The following EPB41L3 variants were observed in gnomAD, a reference collection of about 807,000 sequenced individuals.
EPB41L3 encodes erythrocyte membrane protein band 4.1 like 3.
EPB41L3 carries 57 observed loss-of-function variants against 127.1 expected under a neutral mutation model. The observed-to-expected ratio is 0.45, with a 90% CI of 0.36 to 0.56. EPB41L3 has a LOEUF of 0.56. Among genes scored for constraint, EPB41L3 ranks in the 20% least tolerant of loss-of-function variants. The pLI is 0.00. For synonymous variants in EPB41L3, 572 were observed against 549.5 expected (o/e 1.04, Z -0.57); for missense variants, 1,273 against 1,372.2 (o/e 0.93, Z 1.14).
intron 3 of EPB41L3, among the ~76,000 whole-genome samples, chr18:5,446,854 G>A (rs193148826): frequency 4.6e-5 from 7 of 152,212 alleles, no homozygotes; most frequent in Admixed American, 2.0e-4. Flanking sequence ...TAAATATTTC[G>A]ACAATGAAGC....
chr18:5,596,105 C>T (rs1300387329), intron 3 of EPB41L3, among the ~76,000 whole-genome samples: 1 of 152,218 alleles, frequency 6.6e-6, no homozygotes, highest in Non-Finnish European at 1.5e-5. Flanking sequence ...TGTCCATCCT[C>T]TGAATATTTC....
chr18:5,586,133 T>G (rs1444187087), intron 3 of EPB41L3, among the ~76,000 whole-genome samples: 1 of 152,230 alleles, frequency 6.6e-6, no homozygotes, highest in East Asian at 1.9e-4. Flanking sequence ...AATGTGCCTC[T>G]GCTTCCTATG....
chr18:5,478,348 A>C lies in EPB41L3; in HGVS notation c.274T>G (p.Ser92Ala). Residue 92 changes from serine to alanine, a missense_variant, in exon 3 of 23, where the codon TCT becomes GCT. Physicochemically the swap from Ser to Ala is moderately conservative, Grantham distance 99. This residue lies in a region of EPB41L3 where 182 missense variants were observed against 149.2 expected (regional missense o/e 1.22). Coordinates refer to ENST00000341928, the MANE Select transcript of EPB41L3 (RefSeq NM_012307.5). ...GGAGACCGAGAGAGTTTACTGCTAG[A>C]TGATTTCTGAGAAAGTTTATCGTCT... ...LEDDKLSQKS[S>A]SSKLSRSPLK... 1 of 1,614,164 alleles carries C rather than the reference A, an allele frequency of 6.2e-7. No homozygotes were observed. The highest frequency in any genetic ancestry group is 8.5e-7 in the Non-Finnish European group (1 of 1,180,016).
chr18:5,529,600 T>C (rs1013314920), intron 1 of EPB41L3, among the ~76,000 whole-genome samples: 2 of 152,190 alleles, frequency 1.3e-5, no homozygotes, highest in Admixed American at 6.5e-5. Context: ...AAAGGGAGCA[T>C]TGCAGCTCTC....
intron 3 of EPB41L3, chr18:5,463,850 C>T (rs2084463041): frequency 6.6e-6 from 1 of 152,424 alleles, no homozygotes; most frequent in East Asian, 1.9e-4. Flanking sequence ...ATGATAAACA[C>T]ATGCGGTTGT....
At chr18:5,418,551 C>G (rs1266039071) in intron 12 of EPB41L3, among the ~76,000 whole-genome samples, 1 of 152,120 alleles carries the variant, frequency 6.6e-6, no homozygotes, top group African/African-American at 2.4e-5. Context: ...CTTGACTGAA[C>G]AGACAGGAAG....
intron 3 of EPB41L3, among the ~76,000 whole-genome samples, chr18:5,453,668 AC>A (rs2082602708): frequency 6.6e-6 from 1 of 152,016 alleles, no homozygotes; most frequent in South Asian, 2.1e-4. Flanking sequence ...CCTCAAATAG[AC>A]CCCTGATTTT....
intron 10 of EPB41L3, 111 bp from the exon 11 acceptor site, chr18:5,423,664 G>A (rs73379522): frequency 0.014 from 13,152 of 917,260 alleles, 608 homozygotes; most frequent in African/African-American, 0.13. Context: ...AACATTTAAC[G>A]CACAACTTGC....
intron 20 of EPB41L3, among the ~76,000 whole-genome samples, chr18:5,395,369 G>C (rs1451846273): frequency 6.6e-6 from 1 of 152,220 alleles, no homozygotes; most frequent in East Asian, 1.9e-4. Flanking sequence ...CACATGCCAA[G>C]CACTGGAGTA....
intron 3 of EPB41L3, among the ~76,000 whole-genome samples, chr18:5,446,774 C>T (rs1024237062): frequency 5.9e-5 from 9 of 152,114 alleles, no homozygotes; most frequent in African/African-American, 2.2e-4. Flanking sequence ...AAAAACAGTT[C>T]CATAAAGTAT....
At position 5,489,744 on chromosome 18, in the gene EPB41L3, C is replaced by G. The variant is rs533811292; in HGVS notation, c.-11-550G>C. The stretch of plus-strand genomic sequence containing the variant: ...CTTTGAGTTAGCAACTGAGCTACAA[C>G]AGCAGCTTCTTCAGGGACTCGGGAT... On this transcript the variant is annotated intron_variant, in intron 1 of 22. Coordinates refer to ENST00000341928, the MANE Select transcript of EPB41L3 (RefSeq NM_012307.5). Among the ~76,000 whole-genome samples, 3 of 152,324 alleles carry G rather than the reference C, an allele frequency of 2.0e-5. No homozygotes were observed. The East Asian group carries it at 5.8e-4, about 29-fold the overall frequency.
chr18:5,629,905 C>A (rs758102536), upstream of EPB41L3, among the ~76,000 whole-genome samples: 1 of 152,128 alleles, frequency 6.6e-6, no homozygotes, highest in Non-Finnish European at 1.5e-5. Context: ...ATAGGCTAAA[C>A]GGCCGGCGCG....
intron 1 of EPB41L3, among the ~76,000 whole-genome samples, chr18:5,529,990 C>A (rs562594808): frequency 1.3e-5 from 2 of 151,084 alleles, no homozygotes; most frequent in African/African-American, 4.9e-5. Context: ...TGGGGCCATT[C>A]CCCTCTCCCT....
In EPB41L3 at chr18:5,416,296, C is replaced by T. The variant is rs764431403; in HGVS notation, c.1589G>A (p.Arg530Lys). The T allele has an allele frequency of 8.1e-6, 13 of 1,613,972 alleles. No homozygotes were observed. In the Admixed American group the frequency reaches 2.0e-4, roughly 25 times the overall value. The change falls in exon 13 of 23, where the codon AGG becomes AAG. Residue 530 changes from arginine to lysine, a missense_variant. This residue lies in a region of EPB41L3 where 765 missense variants were observed against 782.9 expected (regional missense o/e 0.98). Transcript: ENST00000341928. ...CAPTSPTELR[R>K]RCKENDCKLP... is the part of the protein sequence containing the mutation. ...TTTGCAGTCATTCTCCTTACACCTCCTACGGAGCTCTGTGGGAGATGTGGG... is the reference window on the plus strand; with the variant it reads ...TTTGCAGTCATTCTCCTTACACCTCTTACGGAGCTCTGTGGGAGATGTGGG...
At chr18:5,436,140 T>G (rs1419447038) in intron 6 of EPB41L3, among the ~76,000 whole-genome samples, 1 of 152,174 alleles carries the variant, frequency 6.6e-6, no homozygotes, top group Admixed American at 6.5e-5. Flanking sequence ...AGTGTTAACA[T>G]TGATGAGTTT....
intron 3 of EPB41L3, among the ~76,000 whole-genome samples, chr18:5,608,640 A>G (rs2143976769): frequency 6.6e-6 from 1 of 152,304 alleles, no homozygotes; most frequent in South Asian, 2.1e-4. Flanking sequence ...ATCAATTTAA[A>G]GGGGGTAGGC....
intron 3 of EPB41L3, among the ~76,000 whole-genome samples, chr18:5,593,284 C>A (rs1405982448): frequency 7.0e-6 from 1 of 143,674 alleles, no homozygotes; most frequent in African/African-American, 2.6e-5. Flanking sequence ...GTTCCATTTT[C>A]CCTAAGCAAC....
chr18:5,417,511 A>C (rs1249616150), intron 12 of EPB41L3, among the ~76,000 whole-genome samples: 2 of 152,210 alleles, frequency 1.3e-5, no homozygotes, highest in South Asian at 4.2e-4. Flanking sequence ...CCTGAAAGTA[A>C]TTAGACTTCT....
intron 2 of EPB41L3, among the ~76,000 whole-genome samples, chr18:5,480,648 T>C (rs186117031): frequency 2.0e-4 from 31 of 152,342 alleles, no homozygotes; most frequent in East Asian, 1.9e-3. Flanking sequence ...TTCTGAACTC[T>C]TCATTTTGTA....
Sources: gnomAD v4.1 joint callset for allele counts (sites outside exome capture counted in the v4.1 genomes callset) on GRCh38, gnomAD v4.1.1 for gene constraint, gnomAD v4.1.1 regional missense constraint, MANE v1.5 for transcripts, NCBI Gene and HGNC (gene_info 2026-07-23, HGNC 2026-07-21) for gene names.